The following ADAMTS14 variants were observed in gnomAD, a reference collection of about 807,000 sequenced individuals.
ADAMTS14 encodes the protein ADAM metallopeptidase with thrombospondin type 1 motif 14, also known as A disintegrin and metalloproteinase with thrombospondin motifs 14.
A neutral mutation model predicts 128.6 loss-of-function variants in ADAMTS14; 100 were observed. The ratio of observed to expected loss-of-function variants is 0.78; its 90% CI spans 0.66 to 0.92. The LOEUF (loss-of-function observed/expected upper bound fraction) is 0.92, where lower values mean the gene tolerates loss of function less well. Among genes scored for constraint, ADAMTS14 ranks in the 40% least tolerant of loss-of-function variants. The pLI is 0.00. For missense variants in ADAMTS14, 1,562 were observed against 1,658.6 expected, an observed-to-expected ratio of 0.94 and a Z score of 1.01; for synonymous variants, 665 against 653.8, an observed-to-expected ratio of 1.02 and a Z score of -0.26.
chr10:70,718,172 T>G (rs574761973), intron 4 of ADAMTS14, among the ~76,000 whole-genome samples: 69 of 152,302 alleles, frequency 4.5e-4, no homozygotes, highest in Admixed American at 1.9e-3. Flanking sequence ...GAGTGTGGCT[T>G]TGCCAGACAT....
chr10:70,719,392 ACACAC>A (rs1841174807), intron 4 of ADAMTS14, among the ~76,000 whole-genome samples: 1 of 151,126 alleles, frequency 6.6e-6, no homozygotes, highest in African/African-American at 2.4e-5. Flanking sequence ...ACACACACAC[ACACAC>A]ACACACACAC....
At chr10:70,676,052 G>T (rs61600447) in intron 2 of ADAMTS14, among the ~76,000 whole-genome samples, 2 of 152,156 alleles carry the variant, frequency 1.3e-5, no homozygotes, top group African/African-American at 4.8e-5. Context: ...CTAGGCCAGT[G>T]CTTTCCACCT....
chr10:70,734,251 T>C (rs544742100), intron 8 of ADAMTS14, among the ~76,000 whole-genome samples: 2 of 152,160 alleles, frequency 1.3e-5, no homozygotes, highest in Non-Finnish European at 2.9e-5. Context: ...TTACATAGAA[T>C]TCTTATTAAA....
intron 19 of ADAMTS14, among the ~76,000 whole-genome samples, chr10:70,756,224 G>A (rs1842476642): frequency 6.6e-6 from 1 of 152,168 alleles, no homozygotes; most frequent in Non-Finnish European, 1.5e-5. Flanking sequence ...ATTTATTAAG[G>A]CTGGTGGTGG....
chr10:70,741,275 T>A, intron 12 of ADAMTS14, 113 bp downstream of exon 12: 1 of 1,315,858 alleles, frequency 7.6e-7, no homozygotes, highest in East Asian at 2.5e-5. Flanking sequence ...GGAGGGACAG[T>A]GGGGGTGCCA....
chr10:70,680,332 G>A (rs1014415285), intron 2 of ADAMTS14, among the ~76,000 whole-genome samples: 44 of 152,154 alleles, frequency 2.9e-4, no homozygotes, highest in African/African-American at 8.9e-4. Flanking sequence ...TTGAACCCGG[G>A]AGGTGGAGGT....
chr10:70,759,475 T>G (rs903722335), intron 21 of ADAMTS14, among the ~76,000 whole-genome samples: 1 of 152,192 alleles, frequency 6.6e-6, no homozygotes, highest in Non-Finnish European at 1.5e-5. Flanking sequence ...CAAAGCAAAC[T>G]AGTGTAATGA....
chr10:70,754,158 C>A, intron 19 of ADAMTS14, 151 bp downstream of exon 19: 1 of 728,682 alleles, frequency 1.4e-6, no homozygotes, highest in Non-Finnish European at 2.2e-6. Flanking sequence ...CTCCTACGTA[C>A]CCTGGGCCGT....
intron 9 of ADAMTS14, 81 bp downstream of exon 9, chr10:70,735,382 G>A: frequency 6.5e-7 from 1 of 1,541,244 alleles, no homozygotes; most frequent in Admixed American, 1.8e-5. Context: ...CATTCATGAG[G>A]TGCCTTCTGC....
At chr10:70,725,166 A>G (rs1017355740) in intron 4 of ADAMTS14, among the ~76,000 whole-genome samples, 8 of 152,100 alleles carry the variant, frequency 5.3e-5, no homozygotes, top group African/African-American at 1.9e-4. Context: ...GTGTGCTTAC[A>G]GGGAAGTCCA....
At chr10:70,734,485 G>A (rs1416529242) in intron 8 of ADAMTS14, among the ~76,000 whole-genome samples, 1 of 152,162 alleles carries the variant, frequency 6.6e-6, no homozygotes, top group Admixed American at 6.5e-5. Flanking sequence ...CTCAATGGAT[G>A]AACAGTGCCA....
chr10:70,724,813 A>C (rs1027398448), intron 4 of ADAMTS14, among the ~76,000 whole-genome samples: 24 of 152,146 alleles, frequency 1.6e-4, no homozygotes, highest in African/African-American at 4.6e-4. Flanking sequence ...AAAGGGAATA[A>C]AATAAAAGCA....
In ADAMTS14 at chr10:70,743,920, G is replaced by C. The variant is rs569330067; in HGVS notation, c.2059-146G>C. The C allele has an allele frequency of 3.2e-5, 40 of 1,240,626 alleles. No individual in the cohort carries two copies. In the African/African-American group the frequency reaches 4.3e-4, roughly 13 times the overall value. The allele number at this position is 1,240,626 out of a possible 1,614,324, so 76.9% of individuals were successfully genotyped here. ...GTGTAAGACCTCACCCAGGTCCCAC[G>C]GTGAATTCGTGCCAGAATCCTGTCC... On this transcript the variant is annotated intron_variant, in intron 13 of 21. Coordinates refer to ENST00000373207, the MANE Select transcript of ADAMTS14 (RefSeq NM_080722.4).
intron 2 of ADAMTS14, among the ~76,000 whole-genome samples, chr10:70,696,530 T>G (rs1412873981): frequency 6.6e-6 from 1 of 152,072 alleles, no homozygotes; most frequent in Non-Finnish European, 1.5e-5. Flanking sequence ...AAGTGGATGG[T>G]TGGGCTGAAC....
At chr10:70,698,411 C>G (rs979717871) in intron 2 of ADAMTS14, among the ~76,000 whole-genome samples, 15 of 152,208 alleles carry the variant, frequency 9.9e-5, no homozygotes, top group Admixed American at 4.6e-4. Flanking sequence ...GCCTGGTTTC[C>G]TGGCCACGGC....
chr10:70,720,938 A>G (rs1425910121), intron 4 of ADAMTS14, among the ~76,000 whole-genome samples: 1 of 152,182 alleles, frequency 6.6e-6, no homozygotes, highest in Non-Finnish European at 1.5e-5. Context: ...TTAAGAACGA[A>G]AAAGTGTTAC....
At chr10:70,710,931 G>C (rs532408251) in intron 4 of ADAMTS14, among the ~76,000 whole-genome samples, 2 of 152,206 alleles carry the variant, frequency 1.3e-5, no homozygotes, top group Non-Finnish European at 2.9e-5. Flanking sequence ...TTGGTAGGGC[G>C]CTGCCTGGGT....
intron 8 of ADAMTS14, 39 bp from the exon 9 acceptor site, chr10:70,735,130 G>A (rs1370634531): frequency 2.5e-6 from 4 of 1,594,428 alleles, no homozygotes; most frequent in Admixed American, 3.4e-5. Context: ...GGGACTTCCT[G>A]CTGTCAGCCT....
intron 4 of ADAMTS14, among the ~76,000 whole-genome samples, chr10:70,714,901 G>C (rs941068931): frequency 4.0e-5 from 6 of 149,262 alleles, no homozygotes; most frequent in African/African-American, 1.2e-4. Flanking sequence ...AGCCGAGATC[G>C]GGCCATTGCA....
Sources: gnomAD v4.1 joint callset for allele counts (sites outside exome capture counted in the v4.1 genomes callset) on GRCh38, gnomAD v4.1.1 for gene constraint, MANE v1.5 for transcripts, NCBI Gene and HGNC (gene_info 2026-07-23, HGNC 2026-07-21) for gene names.